Variants in PTPRH observed in about 807,000 individuals in gnomAD.
PTPRH encodes receptor-type tyrosine-protein phosphatase H.
PTPRH carries 113 observed loss-of-function variants against 130.2 expected under a neutral mutation model. The observed-to-expected ratio is 0.87, with a 90% confidence interval of 0.75 to 1.01. The LOEUF is 1.01. Among genes scored for constraint, PTPRH ranks in the 50% least tolerant of loss-of-function variants. The pLI is 0.00. For synonymous variants in PTPRH, 556 were observed against 577.9 expected, an observed-to-expected ratio of 0.96 and a Z score of 0.54; for missense variants, 1,430 against 1,425.0, an observed-to-expected ratio of 1.00 and a Z score of -0.06.
Position 55,198,762 on chromosome 19 carries a change from C to A in PTPRH, c.1571G>T (p.Ser524Ile). 2 of 1,614,090 alleles carry A rather than the reference C, an allele frequency of 1.2e-6. No homozygotes were observed. Among genetic ancestry groups the A allele is most frequent in the Non-Finnish European group, 1.7e-6 (2 of 1,179,992 alleles). ...TAGGGTGATGTCAGTACCTGAGGTG[C>A]TTTGGGTCCTGGGGTCAGTCATGCC... ...REGMTDPRTQSTSGTDITLKE... is the reference protein window; with the variant it reads ...REGMTDPRTQITSGTDITLKE... The change falls in exon 8 of 20, where the codon AGC (serine) becomes ATC (isoleucine). Residue 524 changes from serine (S) to isoleucine (I), a missense_variant. Transcript: ENST00000376350.
At chr19:55,192,141 G>A (rs1298979878) in intron 10 of PTPRH, 3 of 362,782 alleles carry the variant, frequency 8.3e-6, no homozygotes, top group African/African-American at 2.1e-5. Context: ...GGTGGCTTAC[G>A]CCTGTAATCC....
At chr19:55,201,206 C>A (rs1258536005) in intron 6 of PTPRH, among the ~76,000 whole-genome samples, 2 of 151,816 alleles carry the variant, frequency 1.3e-5, no homozygotes, top group Non-Finnish European at 2.9e-5. Context: ...CACAGCAAGA[C>A]CTCATCTCTA....
chr19:55,191,929 CCT>C (rs1281479098), intron 10 of PTPRH, 188 bp from the exon 11 acceptor site: 2 of 683,114 alleles, frequency 2.9e-6, no homozygotes, highest in Non-Finnish European at 5.3e-6. Context: ...TTCCTCCACC[CCT>C]GAGACAGCAA....
At chr19:55,185,411 C>G (rs904728508) in intron 18 of PTPRH, 91 bp downstream of exon 18, 10 of 1,424,330 alleles carry the variant, frequency 7.0e-6, no homozygotes, top group South Asian at 2.6e-5. Context: ...CTTCACCTCC[C>G]CTGTACGTTC....
At chr19:55,193,983 G>A (rs576530302) in intron 10 of PTPRH, 12 of 369,200 alleles carry the variant, frequency 3.3e-5, no homozygotes, top group African/African-American at 2.4e-4. Context: ...TGAGTAGTTG[G>A]GATGACAGAC....
chr19:55,206,582 T>G (rs1422137233), intron 3 of PTPRH, 107 bp downstream of exon 3: 5 of 1,203,554 alleles, frequency 4.2e-6, no homozygotes, highest in Non-Finnish European at 5.6e-6. Flanking sequence ...TGGCTTCCAC[T>G]GTGTTTCTAT....
intron 10 of PTPRH, among the ~76,000 whole-genome samples, chr19:55,195,090 C>T (rs553423711): frequency 1.3e-4 from 19 of 151,922 alleles, no homozygotes; most frequent in East Asian, 5.8e-4. Flanking sequence ...TTCAGGAGGC[C>T]GAGGCGGGTG....
Position 55,181,617 on chromosome 19 carries a change from G to C in PTPRH, c.*137C>G. 1 of 1,242,632 alleles carries C rather than the reference G, an allele frequency of 8.0e-7. No homozygotes were observed. The highest frequency in any genetic ancestry group is 1.1e-6 in the Non-Finnish European group (1 of 883,948). The allele number at this position is 1,242,632 out of a possible 1,614,324, so 77.0% of individuals were successfully genotyped here. A position where few individuals can be genotyped will look rare whatever the true frequency, so the allele number is the denominator to read the frequency against. On this transcript the variant is annotated 3_prime_UTR_variant, in exon 20 of 20. Coordinates refer to ENST00000376350, the MANE Select transcript of PTPRH (RefSeq NM_002842.5). ...ACCACTCTCTCCTGGGGAAACCAGA[G>C]TTTGGGATACCAGCCCCCTCCTCCC...
rs2086716936 is a variant in PTPRH, at chr19:55,197,297, T to G, written c.1810A>C (p.Ser604Arg). 6.2e-7 allele frequency: 1 copy of G among 1,614,150 alleles called. No individual in the cohort carries two copies. The highest frequency in any genetic ancestry group is 1.3e-5 in the African/African-American group (1 of 74,950). The change falls in exon 9 of 20, where the codon AGC (serine) becomes CGC (arginine). Residue 604 changes from serine (S) to arginine (R), a missense_variant. Coordinates refer to ENST00000376350, the MANE Select transcript of PTPRH (RefSeq NM_002842.5). ...TGCCCCCTCCGGGGATGTCCCTTGC[T>G]GGCCCACTGGACCCAGTATACGTAC... ...QLYVYWVQWASKGHPRRGQDP... is the reference protein window; with the variant it reads ...QLYVYWVQWARKGHPRRGQDP...
At chr19:55,188,208 T>C in intron 12 of PTPRH, 40 bp from the exon 13 acceptor site, 1 of 1,504,260 alleles carries the variant, frequency 6.6e-7, no homozygotes, top group Non-Finnish European at 9.3e-7. Context: ...GACCGTAACT[T>C]CTTTTAATCT....
At position 55,196,558 on chromosome 19, in the gene PTPRH, C is replaced by T. The variant is rs147064563; in HGVS notation, c.2221G>A (p.Val741Met). The change falls in exon 10 of 20, where the codon GTG becomes ATG. Residue 741 changes from valine (V) to methionine (M), a missense_variant. Val to Met is a conservative substitution (Grantham distance 21). Coordinates refer to ENST00000376350, the MANE Select transcript of PTPRH (RefSeq NM_002842.5). ...GTGTGGCAGACCACAGAGTGAGACA[C>T]GACCTTCATTCCGTCCCAGATGGTC... ...ITTIWDGMKV[V>M]SHSVVCHTES... is the part of the protein sequence containing the mutation. The T allele has an allele frequency of 1.6e-5, 26 of 1,613,234 alleles. No individual in the cohort carries two copies. The highest frequency in any genetic ancestry group is 1.3e-4 in the East Asian group (6 of 44,882).
At chr19:55,205,275 C>T (rs116117398) in intron 4 of PTPRH, 51 bp downstream of exon 4, 1 of 1,608,008 alleles carries the variant, frequency 6.2e-7, no homozygotes, top group South Asian at 1.1e-5. Context: ...GTTCTCCTGC[C>T]TACTGCCCCT....
Position 55,200,290 on chromosome 19 carries a change from A to C in PTPRH, c.1366T>G (p.Trp456Gly), listed in dbSNP as rs748411142. 6.2e-7 allele frequency: 1 copy of C among 1,614,166 alleles called. No homozygotes were observed. Among genetic ancestry groups the C allele is most frequent in the South Asian group, 1.1e-5 (1 of 91,084 alleles). Residue 456 changes from tryptophan (W) to glycine (G), a missense_variant, in exon 7 of 20, where the codon TGG (tryptophan) becomes GGG (glycine). Trp to Gly is a radical substitution (Grantham distance 184, BLOSUM62 -2). Transcript: ENST00000376350. The part of the protein sequence containing the change: ...EPGTLYTFSV[W>G]AEKNGARGSR... ...CCACGTGCTCCATTTTTTTCTGCCC[A>C]TACAGAGAATGTGTACAAGGTTCCG...
At chr19:55,182,624 C>G (rs575918330) in intron 18 of PTPRH, among the ~76,000 whole-genome samples, 125 of 151,482 alleles carry the variant, frequency 8.3e-4, no homozygotes, top group Non-Finnish European at 1.1e-3. Flanking sequence ...TCCTCCCAAA[C>G]CTAAGAAGTC....
In PTPRH at chr19:55,205,523, A is replaced by T. The variant is rs1169910490; in HGVS notation, c.422T>A (p.Val141Asp). ...GTTCTGTGGGTCTGGGCCGTCGGGG[A>T]CCTCCCAGGTCAGGGCGATGGAGCT... ...TNSSIALTWE[V>D]PDGPDPQNST... The change falls in exon 4 of 20, where the codon GTC becomes GAC. Residue 141 changes from valine to aspartate, a missense_variant. Transcript: ENST00000376350. The T allele has an allele frequency of 3.1e-6, 5 of 1,613,518 alleles. No homozygotes were observed. Among genetic ancestry groups the T allele is most frequent in the Non-Finnish European group, 4.2e-6 (5 of 1,179,946 alleles).
Position 55,185,535 on chromosome 19 carries a change from G to T in PTPRH, c.3029C>A (p.Thr1010Asn), listed in dbSNP as rs767924836. The stretch of plus-strand genomic sequence containing the variant: ...CACAATGGGTGGGCCTCCCTCCATG[G>T]TCTGATCCAGCCACTGCCGAAGCAT... ...WRMLRQWLDQ[T>N]MEGGPPIVHC... Residue 1010 changes from threonine (T) to asparagine (N), a missense_variant, in exon 18 of 20, where the codon ACC becomes AAC. Thr to Asn is a moderately conservative substitution (Grantham distance 65). Coordinates refer to ENST00000376350, the MANE Select transcript of PTPRH (RefSeq NM_002842.5). 53 of 1,614,018 alleles carry T rather than the reference G, an allele frequency of 3.3e-5. No individual in the cohort carries two copies. The highest frequency in any genetic ancestry group is 4.4e-5 in the Non-Finnish European group (52 of 1,180,030).
Position 55,203,791 on chromosome 19 carries a change from T to A in PTPRH, c.877A>T (p.Ser293Cys). 2 of 1,602,720 alleles carry A rather than the reference T, an allele frequency of 1.2e-6. No homozygotes were observed. The highest frequency in any genetic ancestry group is 1.7e-6 in the Non-Finnish European group (2 of 1,170,286). The change falls in exon 5 of 20, where the codon AGT (serine) becomes TGT (cysteine). Residue 293 changes from serine (S) to cysteine (C), a missense_variant. Coordinates refer to ENST00000376350, the MANE Select transcript of PTPRH (RefSeq NM_002842.5). ...AGCGGCTGCCTCTTACCTGTGGCAC[T>A]AGTGACAATCTCCACAGAGCTATTT... ...GVNSSVEIVTSATAPNPVRNL... is the reference protein window; with the variant it reads ...GVNSSVEIVTCATAPNPVRNL...
At chr19:55,185,376 A>G in intron 18 of PTPRH, 126 bp downstream of exon 18, 1 of 1,030,066 alleles carries the variant, frequency 9.7e-7, no homozygotes, top group Non-Finnish European at 1.4e-6. Flanking sequence ...TTTATCTTCC[A>G]CATCCACCTC....
In PTPRH at chr19:55,194,141, C is replaced by T. The variant is rs547724079; in HGVS notation, c.2257+2381G>A. The T allele has an allele frequency of 2.8e-4, 361 of 1,287,560 alleles. 1 individual carries two copies. Among genetic ancestry groups the T allele is most frequent in the South Asian group, 1.8e-3 (146 of 80,922 alleles). The allele number at this position is 1,287,560 out of a possible 1,614,324, so 79.8% of individuals were successfully genotyped here. Reference sequence around the variant, plus strand: ...CTGGGATTACAGGCGTGAGCCACCGCGCCTGGCTGATCTGGTGGTGTCTAT... The same window carrying T: ...CTGGGATTACAGGCGTGAGCCACCGTGCCTGGCTGATCTGGTGGTGTCTAT... On this transcript the variant is annotated intron_variant, in intron 10 of 19. Transcript: ENST00000376350.
Sources: allele counts gnomAD v4.1 joint callset (sites outside exome capture counted in the v4.1 genomes callset), GRCh38; gene constraint gnomAD v4.1.1; transcripts MANE v1.5; gene names NCBI Gene and HGNC (gene_info 2026-07-23, HGNC 2026-07-21).